The following RORB variants were observed in gnomAD, a reference collection of about 807,000 sequenced individuals.
RORB encodes the protein RAR related orphan receptor B.
RORB carries 6 observed loss-of-function variants against 59.1 expected under a neutral mutation model. The observed-to-expected ratio is 0.10, with a 90% CI of 0.06 to 0.20. The LOEUF (loss-of-function observed/expected upper bound fraction) is 0.20, where lower values mean the gene tolerates loss of function less well. Ranked by LOEUF, RORB falls within the 10% of genes least tolerant of loss-of-function variation. RORB has a pLI of 1.00. For missense variants in RORB, 320 were observed against 560.5 expected, an observed-to-expected ratio of 0.57 and a Z score of 4.33; for synonymous variants, 215 against 204.5, an observed-to-expected ratio of 1.05 and a Z score of -0.44.
chr9:74,669,077 G>A (rs1009859970), intron 8 of RORB, among the ~76,000 whole-genome samples: 8 of 152,170 alleles, frequency 5.3e-5, no homozygotes, highest in African/African-American at 1.7e-4. Flanking sequence ...TAATAACTAA[G>A]ACCTCTACTA....
intron 1 of RORB, among the ~76,000 whole-genome samples, chr9:74,622,792 TG>T (rs1242355756): frequency 6.6e-6 from 1 of 152,070 alleles, no homozygotes; most frequent in Non-Finnish European, 1.5e-5. Context: ...CCCAACATGC[TG>T]GGATTACAGG....
intron 3 of RORB, among the ~76,000 whole-genome samples, chr9:74,639,524 A>AC (rs1308640839): frequency 3.3e-5 from 5 of 152,198 alleles, no homozygotes; most frequent in Non-Finnish European, 5.9e-5. Flanking sequence ...AAAAAAAAAA[A>AC]ACACAAATTT....
At chr9:74,600,096 C>T (rs6560401) in intron 1 of RORB, among the ~76,000 whole-genome samples, 3 of 152,108 alleles carry the variant, frequency 2.0e-5, no homozygotes, top group South Asian at 2.1e-4. Context: ...CACTTAGGGC[C>T]GCTCTGGACA....
chr9:74,651,869 G>T (rs561346940), intron 4 of RORB, among the ~76,000 whole-genome samples: 1 of 152,192 alleles, frequency 6.6e-6, no homozygotes, highest in African/African-American at 2.4e-5. Context: ...TTTAACAATA[G>T]ATTCTTTCTC....
chr9:74,599,451 G>A (rs1823021783), intron 1 of RORB, among the ~76,000 whole-genome samples: 1 of 152,126 alleles, frequency 6.6e-6, no homozygotes, highest in African/African-American at 2.4e-5. Flanking sequence ...CAGATTTTCT[G>A]ACATTATGAG....
In RORB at chr9:74,690,063, T is replaced by C. The variant is rs958205230; in HGVS notation, c.*4445T>C. ...GAAGCACCGTTCAATAGAACAGCAA[T>C]AACCTTAAAGTGTGCATCTGTAGTG... On this transcript the variant is annotated 3_prime_UTR_variant, in exon 10 of 10. Coordinates refer to ENST00000376896, the MANE Select transcript of RORB (RefSeq NM_006914.4). The C allele has an allele frequency of 3.3e-5, 5 of 152,120 alleles. No individual in the cohort carries two copies. Among genetic ancestry groups the C allele is most frequent in the Non-Finnish European group, 7.3e-5 (5 of 68,032 alleles). 9.4% of individuals were successfully genotyped at this position (152,120 alleles called of 1,614,324 possible).
intron 1 of RORB, among the ~76,000 whole-genome samples, chr9:74,597,958 C>CAA (rs780695509): frequency 1.7e-5 from 2 of 120,800 alleles, no homozygotes; most frequent in Non-Finnish European, 3.6e-5. Flanking sequence ...AACTCTGTCT[C>CAA]AAAAAAAAAA....
At position 74,688,545 on chromosome 9, in the gene RORB, A is replaced by G. The variant is rs1215654162; in HGVS notation, c.*2927A>G. 6.6e-6 allele frequency: 1 copy of G among 152,012 alleles called. No homozygotes were observed. The highest frequency in any genetic ancestry group is 1.5e-5 in the Non-Finnish European group (1 of 68,006). 9.4% of individuals were successfully genotyped at this position (152,012 alleles called of 1,614,324 possible). Reference sequence around the variant, plus strand: ...CTTCATAAATGACAATCACTGCTTGATGCAGATGTTGCACTGTATCCACTC... The same window carrying G: ...CTTCATAAATGACAATCACTGCTTGGTGCAGATGTTGCACTGTATCCACTC... On this transcript the variant is annotated 3_prime_UTR_variant, in exon 10 of 10. Coordinates refer to ENST00000376896, the MANE Select transcript of RORB (RefSeq NM_006914.4).
At chr9:74,521,471 A>G (rs546753871) in intron 1 of RORB, among the ~76,000 whole-genome samples, 62 of 151,956 alleles carry the variant, frequency 4.1e-4, no homozygotes, top group Middle Eastern at 3.4e-3. Context: ...ATCTAACAAC[A>G]AAAAAATCAA....
chr9:74,632,562 C>T (rs553219633), intron 2 of RORB, among the ~76,000 whole-genome samples: 19 of 152,220 alleles, frequency 1.2e-4, no homozygotes, highest in Non-Finnish European at 2.1e-4. Flanking sequence ...AAATTTGGAA[C>T]GCAATCCCTT....
chr9:74,581,405 T>C lies in RORB; in HGVS notation c.8-48877T>C, dbSNP rs140850564. Among the ~76,000 whole-genome samples the C allele has an allele frequency of 7.9e-5, 12 of 152,252 alleles. No homozygotes were observed. The East Asian group carries it at 2.3e-3, about 29-fold the overall frequency. On this transcript the variant is annotated intron_variant, in intron 1 of 9. Coordinates refer to ENST00000376896, the MANE Select transcript of RORB (RefSeq NM_006914.4). Reference sequence around the variant, plus strand: ...CAGGGGGAAAATGGGGAAGAGATCATTTACTAAGGAAACCAGGTTTGTTTT... The same window carrying C: ...CAGGGGGAAAATGGGGAAGAGATCACTTACTAAGGAAACCAGGTTTGTTTT...
intron 4 of RORB, among the ~76,000 whole-genome samples, chr9:74,644,381 C>T (rs189905866): frequency 6.6e-6 from 1 of 152,280 alleles, no homozygotes; most frequent in Non-Finnish European, 1.5e-5. Flanking sequence ...ATCATGGGCC[C>T]TTCACACGTT....
At chr9:74,555,893 C>A (rs1029526357) in intron 1 of RORB, among the ~76,000 whole-genome samples, 1 of 152,202 alleles carries the variant, frequency 6.6e-6, no homozygotes, top group African/African-American at 2.4e-5. Flanking sequence ...TCAGAGAAGT[C>A]ACTTCTCAAG....
chr9:74,654,328 T>C (rs1416133054), intron 4 of RORB, among the ~76,000 whole-genome samples: 1 of 132,278 alleles, frequency 7.6e-6, no homozygotes, highest in Admixed American at 8.6e-5. Flanking sequence ...CTTTACAGTC[T>C]CAGGGGAGAG....
chr9:74,610,954 G>T (rs1012772033), intron 1 of RORB, among the ~76,000 whole-genome samples: 2 of 152,162 alleles, frequency 1.3e-5, no homozygotes, highest in African/African-American at 4.8e-5. Flanking sequence ...AAGAACCTCC[G>T]TGGGATGGTT....
intron 9 of RORB, among the ~76,000 whole-genome samples, chr9:74,673,068 T>C (rs1824374519): frequency 6.6e-6 from 1 of 152,208 alleles, no homozygotes; most frequent in South Asian, 2.1e-4. Context: ...CATTTCCACA[T>C]TATAGAGCAA....
chr9:74,497,663 A>G lies in RORB; in HGVS notation c.-314A>G, dbSNP rs1587325817. ...AAGCAAGCACATTGGAGAGAAAGAA[A>G]AAGAAAAACAAAACCAAAACAAAAC... On this transcript the variant is annotated 5_prime_UTR_variant, in exon 1 of 10. Coordinates refer to ENST00000376896, the MANE Select transcript of RORB (RefSeq NM_006914.4). 2 of 459,690 alleles carry G rather than the reference A, an allele frequency of 4.4e-6. No individual in the cohort carries two copies. Among genetic ancestry groups the G allele is most frequent in the East Asian group, 6.6e-5 (2 of 30,436 alleles). 28.5% of individuals were successfully genotyped at this position (459,690 alleles called of 1,614,324 possible).
chr9:74,587,761 G>A (rs1245641767), intron 1 of RORB, among the ~76,000 whole-genome samples: 1 of 152,170 alleles, frequency 6.6e-6, no homozygotes, highest in African/African-American at 2.4e-5. Flanking sequence ...GTGATGGCAA[G>A]GCCCAATGTG....
intron 9 of RORB, among the ~76,000 whole-genome samples, chr9:74,674,491 T>C (rs1409741859): frequency 6.6e-6 from 1 of 152,220 alleles, no homozygotes; most frequent in Non-Finnish European, 1.5e-5. Context: ...CAACTCTGAA[T>C]AGGTGTTAAC....
Sources: gnomAD v4.1 joint callset for allele counts (sites outside exome capture counted in the v4.1 genomes callset) on GRCh38, gnomAD v4.1.1 for gene constraint, MANE v1.5 for transcripts, NCBI Gene and HGNC (gene_info 2026-07-23, HGNC 2026-07-21) for gene names.